GNB4: variants seen among roughly 807,000 people sequenced by gnomAD.
GNB4 encodes the protein G protein subunit beta 4, also known as guanine nucleotide-binding protein subunit beta-4.
Under a neutral mutation model 45.2 loss-of-function variants are expected in GNB4, and 28 were observed. The ratio of observed to expected loss-of-function variants is 0.62; its 90% CI spans 0.46 to 0.85. The LOEUF (loss-of-function observed/expected upper bound fraction) is 0.85. GNB4 is among the 40% of genes least tolerant of loss of function. The probability of loss-of-function intolerance (pLI) is 0.00; values close to 1 mark genes in which losing one functional copy is unlikely to be tolerated. For missense variants in GNB4, 321 were observed against 425.4 expected (o/e 0.75, Z 2.16); for synonymous variants, 132 against 143.7 (o/e 0.92, Z 0.58).
chr3:179,414,165 A>G lies in GNB4; in HGVS notation c.431-384T>C, dbSNP rs376648491. 3.3e-5 allele frequency among the ~76,000 whole-genome samples: 5 copies of G among 152,316 alleles called. 2 individuals carry two copies. The highest frequency in any genetic ancestry group is 6.5e-5 in the Admixed American group (1 of 15,300). On this transcript the variant is annotated intron_variant, in intron 6 of 9. Transcript: ENST00000232564. ...GATGCCTCTGGGTGCACCGCCTATGAGTTAGCCCTTCTCTGCAAGGAGCAG... is the reference window on the plus strand; with the variant it reads ...GATGCCTCTGGGTGCACCGCCTATGGGTTAGCCCTTCTCTGCAAGGAGCAG...
the GNB4 span, among the ~76,000 whole-genome samples, chr3:179,458,199 A>G: frequency 2.0e-5 from 3 of 152,102 alleles, no homozygotes; most frequent in African/African-American, 4.8e-5. Context: ...CACCGCGCCC[A>G]GCCCATTTTA....
In GNB4 at chr3:179,415,034, G is replaced by A. The variant is rs1479380510; in HGVS notation, c.281C>T (p.Pro94Leu). 1 of 1,599,704 alleles carries A rather than the reference G, an allele frequency of 6.3e-7. No individual in the cohort carries two copies. Residue 94 changes from proline to leucine, a missense_variant, in exon 6 of 10, where the codon CCT (proline) becomes CTT (leucine). By Grantham distance (98) the Pro-to-Leu change is moderately conservative. Coordinates refer to ENST00000232564, the MANE Select transcript of GNB4 (RefSeq NM_021629.4). Reference protein sequence around the residue: ...SYTTNKMHAIPLRSSWVMTCA... With the variant: ...SYTTNKMHAILLRSSWVMTCA... ...GGTCATCACCCAGGAGGACCTCAAA[G>A]GAATAGCATGCATCTGTAGGGCACA...
intron 3 of GNB4, among the ~76,000 whole-genome samples, chr3:179,419,887 G>T (rs1479220856): frequency 6.6e-6 from 1 of 151,954 alleles, no homozygotes; most frequent in Non-Finnish European, 1.5e-5. Flanking sequence ...TTTTATATTT[G>T]TAGAGCACAT....
the GNB4 span, among the ~76,000 whole-genome samples, chr3:179,465,817 CTTCTTCT>C: frequency 2.1e-4 from 22 of 104,120 alleles, no homozygotes; most frequent in African/African-American, 5.3e-4. Flanking sequence ...TCTTCTTCTT[CTTCTTCT>C]TTTTTTTTTT....
intron 1 of GNB4, among the ~76,000 whole-genome samples, chr3:179,431,457 A>G (rs1715306102): frequency 6.6e-6 from 1 of 151,370 alleles, no homozygotes. Context: ...TTCTCGGGAA[A>G]TTGAGGCAGG....
chr3:179,414,852 G>A, intron 6 of GNB4, 33 bp downstream of exon 6: 3 of 1,518,484 alleles, frequency 2.0e-6, no homozygotes, highest in Non-Finnish European at 1.8e-6. Flanking sequence ...ACAAGGAATC[G>A]TGTGGTGGGA....
At position 179,396,465 on chromosome 3, in the gene GNB4, C is replaced by G. The variant is rs1714117055; in HGVS notation, c.*4748G>C. Reference sequence around the variant, plus strand: ...TTCAGATGCTTCTTTGAAAAGAAAACAATAGGATAGAGCACCATTGTGTAA... The same window carrying G: ...TTCAGATGCTTCTTTGAAAAGAAAAGAATAGGATAGAGCACCATTGTGTAA... On this transcript the variant is annotated 3_prime_UTR_variant, in exon 10 of 10. Transcript: ENST00000232564. 1 of 152,092 alleles carries G rather than the reference C, an allele frequency of 6.6e-6. No individual in the cohort carries two copies. The highest frequency in any genetic ancestry group is 2.4e-5 in the African/African-American group (1 of 41,424). The allele number at this position is 152,092 out of a possible 1,614,324, so 9.4% of individuals were successfully genotyped here.
At position 179,396,511 on chromosome 3, in the gene GNB4, T is replaced by C. The variant is rs1043790310; in HGVS notation, c.*4702A>G. On this transcript the variant is annotated 3_prime_UTR_variant, in exon 10 of 10. Coordinates refer to ENST00000232564, the MANE Select transcript of GNB4 (RefSeq NM_021629.4). ...TGTAAAAGACAAAAGGCTTGAGATATCTACCAAGTATATCACTGAAGTTCT... is the reference window on the plus strand; with the variant it reads ...TGTAAAAGACAAAAGGCTTGAGATACCTACCAAGTATATCACTGAAGTTCT... 1.3e-5 allele frequency: 2 copies of C among 152,200 alleles called. No homozygotes were observed. Among genetic ancestry groups the C allele is most frequent in the Admixed American group, 1.3e-4 (2 of 15,282 alleles). The allele number at this position is 152,200 out of a possible 1,614,324, so 9.4% of individuals were successfully genotyped here. A position where few individuals can be genotyped will look rare whatever the true frequency, so the allele number is the denominator to read the frequency against.
At chr3:179,501,194 A>G in the GNB4 span, among the ~76,000 whole-genome samples, 1 of 151,980 alleles carries the variant, frequency 6.6e-6, no homozygotes, top group Non-Finnish European at 1.5e-5. Flanking sequence ...CTTTCTTTAC[A>G]GTTACTCCCT....
At chr3:179,510,128 G>C in the GNB4 span, among the ~76,000 whole-genome samples, 68,921 of 151,772 alleles carry the variant, frequency 0.45, 16,306 homozygotes, top group East Asian at 0.64. Flanking sequence ...CAGTGCCCAG[G>C]CTTCTTTTTT....
the GNB4 span, among the ~76,000 whole-genome samples, chr3:179,464,137 A>AC: frequency 1.3e-5 from 2 of 152,004 alleles, no homozygotes; most frequent in African/African-American, 4.8e-5. Flanking sequence ...AATGGAATGG[A>AC]CCCCTCCTCT....
At chr3:179,513,988 A>AT in the GNB4 span, among the ~76,000 whole-genome samples, 1 of 152,176 alleles carries the variant, frequency 6.6e-6, no homozygotes. Flanking sequence ...CATTCAACAC[A>AT]TTTTTTAAGA....
At chr3:179,500,756 C>G in the GNB4 span, among the ~76,000 whole-genome samples, 3 of 152,162 alleles carry the variant, frequency 2.0e-5, no homozygotes, top group Non-Finnish European at 4.4e-5. Context: ...TCTCTTATTT[C>G]TTTGAGCAGT....
At chr3:179,442,266 C>T (rs1266364403) in intron 1 of GNB4, among the ~76,000 whole-genome samples, 8 of 152,176 alleles carry the variant, frequency 5.3e-5, no homozygotes, top group Admixed American at 4.6e-4. Context: ...TTACACAATA[C>T]GTTTTGAAAC....
the GNB4 span, among the ~76,000 whole-genome samples, chr3:179,457,606 G>T: frequency 6.6e-6 from 1 of 152,136 alleles, no homozygotes; most frequent in African/African-American, 2.4e-5. Context: ...GACAGTCTCT[G>T]GGAGCTCCAT....
At chr3:179,462,185 T>C in the GNB4 span, among the ~76,000 whole-genome samples, 4 of 152,032 alleles carry the variant, frequency 2.6e-5, no homozygotes, top group Non-Finnish European at 5.9e-5. Context: ...TGTGTGTGTG[T>C]GTGTGTGTGC....
Position 179,400,552 on chromosome 3 carries a change from A to C in GNB4, c.*661T>G, listed in dbSNP as rs1553849997. 1 of 152,308 alleles carries C rather than the reference A, an allele frequency of 6.6e-6. No individual in the cohort carries two copies. Among genetic ancestry groups the C allele is most frequent in the South Asian group, 2.1e-4 (1 of 4,820 alleles). 9.4% of individuals were successfully genotyped at this position (152,308 alleles called of 1,614,324 possible). On this transcript the variant is annotated 3_prime_UTR_variant, in exon 10 of 10. Transcript: ENST00000232564. ...ATGATGTTTCTTATGTATGTCCAAA[A>C]TATCAGTGAAATCTCTAATCTCTGG...
chr3:179,503,691 T>A, the GNB4 span, among the ~76,000 whole-genome samples: 1 of 152,212 alleles, frequency 6.6e-6, no homozygotes. Context: ...CAGCTCCCAG[T>A]GTTATCTAGT....
the GNB4 span, among the ~76,000 whole-genome samples, chr3:179,495,568 G>A: frequency 6.8e-6 from 1 of 147,372 alleles, no homozygotes; most frequent in African/African-American, 2.5e-5. Flanking sequence ...AAGAAAGAAA[G>A]AGAAAGAAAG....
Sources: gnomAD v4.1 joint callset for allele counts (sites outside exome capture counted in the v4.1 genomes callset) on GRCh38, gnomAD v4.1.1 for gene constraint, MANE v1.5 for transcripts, NCBI Gene and HGNC (gene_info 2026-07-23, HGNC 2026-07-21) for gene names.